Variants in AAK1 observed in about 807,000 individuals in gnomAD.
AAK1 encodes AP2-associated protein kinase 1.
In AAK1, 37 loss-of-function variants were observed where a neutral mutation model predicts 116.0. The observed-to-expected ratio is 0.32, with a 90% CI of 0.25 to 0.42. The LOEUF (loss-of-function observed/expected upper bound fraction) is 0.42, where lower values mean the gene tolerates loss of function less well. Ranked by LOEUF, AAK1 falls within the 10% of genes least tolerant of loss-of-function variation. The pLI, the probability that AAK1 is intolerant of heterozygous loss-of-function variation, is 1.00. For synonymous variants in AAK1, 458 were observed against 439.9 expected, an observed-to-expected ratio of 1.04 and a Z score of -0.51; for missense variants, 919 against 1,170.6, an observed-to-expected ratio of 0.79 and a Z score of 3.14.
At chr2:69,540,445 A>G (rs192214923) in intron 5 of AAK1, among the ~76,000 whole-genome samples, 124 of 152,294 alleles carry the variant, frequency 8.1e-4, no homozygotes, top group African/African-American at 2.9e-3. Flanking sequence ...CTACTTAGAA[A>G]AAAAGGGCTG....
chr2:69,458,529 C>T lies in AAK1; in HGVS notation c.*17340G>A, dbSNP rs1457667159. 6.6e-6 allele frequency: 1 copy of T among 152,630 alleles called. No individual in the cohort carries two copies. Among genetic ancestry groups the T allele is most frequent in the Non-Finnish European group, 1.5e-5 (1 of 68,050 alleles). The allele number at this position is 152,630 out of a possible 1,614,324, so 9.5% of individuals were successfully genotyped here. A position where few individuals can be genotyped will look rare whatever the true frequency, so the allele number is the denominator to read the frequency against. On this transcript the variant is annotated 3_prime_UTR_variant, in exon 22 of 22. Transcript: ENST00000409085. ...CTTGGGAACAAGGCTAAAGCCATGG[C>T]TGATTTCCCCAACCTTTTATCGCGA...
At chr2:69,594,945 C>A in intron 2 of AAK1, 1 of 953,180 alleles carries the variant, frequency 1.0e-6, no homozygotes, top group Admixed American at 1.7e-5. Context: ...TGTCATAACG[C>A]CACTTTCCCT....
chr2:69,591,383 A>G, intron 2 of AAK1, among the ~76,000 whole-genome samples: 1 of 152,222 alleles, frequency 6.6e-6, no homozygotes. Flanking sequence ...TATCATTCCT[A>G]CAAGCCATGG....
Position 69,540,121 on chromosome 2 carries a change from C to CTTTTTTTTTTTTTTTTTTTTT in AAK1, c.534+2401_534+2402insAAAAAAAAAAAAAAAAAAAAA, listed in dbSNP as rs538276702. Among the ~76,000 whole-genome samples, 4 of 127,818 alleles carry CTTTTTTTTTTTTTTTTTTTTT rather than the reference C, an allele frequency of 3.1e-5. 2 individuals carry two copies. The highest frequency in any genetic ancestry group is 3.3e-5 in the Non-Finnish European group (2 of 60,628). 83.9% of individuals were successfully genotyped at this position (127,818 alleles called of 152,430 possible). A position where few individuals can be genotyped will look rare whatever the true frequency, so the allele number is the denominator to read the frequency against. ...AACATGCATTCCCTGCCCCACTTGC[C>CTTTTTTTTTTTTTTTTTTTTT]TTTTTTTTTTTTTTTTTTGAGACAG... is the stretch of plus-strand genomic sequence containing the variant. On this transcript the variant is annotated intron_variant, in intron 5 of 21. Coordinates refer to ENST00000409085, the MANE Select transcript of AAK1 (RefSeq NM_014911.5).
At chr2:69,622,326 C>T (rs894137459) in intron 2 of AAK1, among the ~76,000 whole-genome samples, 1 of 152,142 alleles carries the variant, frequency 6.6e-6, no homozygotes, top group Non-Finnish European at 1.5e-5. Context: ...CTCCCCCGCC[C>T]GGCGGTGGGC....
rs73934945 is a variant in AAK1, at chr2:69,464,230, C to A, written c.*11639G>T. 12,607 of 151,864 alleles carry A rather than the reference C, an allele frequency of 0.083. 1,499 individuals are homozygous for A. The highest frequency in any genetic ancestry group is 0.25 in the African/African-American group (10,262 of 41,344). 9.4% of individuals were successfully genotyped at this position (151,864 alleles called of 1,614,324 possible). A position where few individuals can be genotyped will look rare whatever the true frequency, so the allele number is the denominator to read the frequency against. Reference sequence around the variant, plus strand: ...ACAACAACAACAACAACAACAAAACCACCCCAAAACAAGCAAGCCTAGTTT... The same window carrying A: ...ACAACAACAACAACAACAACAAAACAACCCCAAAACAAGCAAGCCTAGTTT... On this transcript the variant is annotated 3_prime_UTR_variant, in exon 22 of 22. Transcript: ENST00000409085.
chr2:69,621,290 A>G (rs1242145812), intron 2 of AAK1, among the ~76,000 whole-genome samples: 2 of 152,192 alleles, frequency 1.3e-5, no homozygotes, highest in Non-Finnish European at 2.9e-5. Flanking sequence ...AGCTTCGCCA[A>G]CATGGTGAAA....
chr2:69,490,503 A>G (rs1366426293), intron 17 of AAK1, among the ~76,000 whole-genome samples: 1 of 152,216 alleles, frequency 6.6e-6, no homozygotes, highest in African/African-American at 2.4e-5. Flanking sequence ...ATTCTGACAT[A>G]TCCTACAACA....
rs1266459730 is a variant in AAK1, at chr2:69,462,859, T to C, written c.*13010A>G. The C allele has an allele frequency of 6.6e-6, 1 of 152,146 alleles. No homozygotes were observed. The highest frequency in any genetic ancestry group is 1.5e-5 in the Non-Finnish European group (1 of 68,018). 9.4% of individuals were successfully genotyped at this position (152,146 alleles called of 1,614,324 possible). A position where few individuals can be genotyped will look rare whatever the true frequency, so the allele number is the denominator to read the frequency against. ...AGAAAGACAATTTTGCATCCACTAATACATAAAAATCAGAAAGGAGAATTG... is the reference window on the plus strand; with the variant it reads ...AGAAAGACAATTTTGCATCCACTAACACATAAAAATCAGAAAGGAGAATTG... On this transcript the variant is annotated 3_prime_UTR_variant, in exon 22 of 22. Coordinates refer to ENST00000409085, the MANE Select transcript of AAK1 (RefSeq NM_014911.5).
intron 2 of AAK1, among the ~76,000 whole-genome samples, chr2:69,576,523 G>A (rs1672322791): frequency 1.3e-5 from 2 of 151,996 alleles, no homozygotes. Context: ...ATACCCCAGT[G>A]TCTGCTGTTT....
chr2:69,606,969 G>C (rs981732660), intron 2 of AAK1, among the ~76,000 whole-genome samples: 2 of 151,522 alleles, frequency 1.3e-5, no homozygotes, highest in Non-Finnish European at 2.9e-5. Flanking sequence ...GGCAGGCTGA[G>C]GTGGGAGGAT....
chr2:69,510,771 T>C (rs538891248), intron 13 of AAK1, among the ~76,000 whole-genome samples: 3 of 152,316 alleles, frequency 2.0e-5, no homozygotes, highest in South Asian at 2.1e-4. Context: ...TAAGAAAATA[T>C]GTAGCATTAG....
rs751109638 is a variant in AAK1 at position 69,464,093 on chromosome 2, A to G, written c.*11776T>C. On this transcript the variant is annotated 3_prime_UTR_variant, in exon 22 of 22. Transcript: ENST00000409085. ...AACATCTAAAGAGGATAGAGAATGT[A>G]AAAGTTTTCATGCCTACCTGATTCA... 2.0e-4 allele frequency: 31 copies of G among 152,686 alleles called. No individual in the cohort carries two copies. Among genetic ancestry groups the G allele is most frequent in the African/African-American group, 6.8e-4 (28 of 41,470 alleles). The allele number at this position is 152,686 out of a possible 1,614,324, so 9.5% of individuals were successfully genotyped here.
At chr2:69,492,748 T>C (rs1362107109) in intron 17 of AAK1, among the ~76,000 whole-genome samples, 2 of 143,616 alleles carry the variant, frequency 1.4e-5, no homozygotes, top group Non-Finnish European at 3.1e-5. Flanking sequence ...GGTTTCGAAC[T>C]CCTGACCTCA....
chr2:69,627,112 A>AC (rs1674937940), intron 2 of AAK1, among the ~76,000 whole-genome samples: 1 of 151,176 alleles, frequency 6.6e-6, no homozygotes, highest in African/African-American at 2.4e-5. Flanking sequence ...ATATGGTGAA[A>AC]CCCCCGTCTC....
chr2:69,606,654 C>A (rs72895401), intron 2 of AAK1, among the ~76,000 whole-genome samples: 3,322 of 152,326 alleles, frequency 0.022, 111 homozygotes, highest in African/African-American at 0.074. Context: ...TACTGCATGA[C>A]AAGCACCTCT....
chr2:69,567,301 C>T (rs13396332), intron 2 of AAK1, among the ~76,000 whole-genome samples: 5 of 152,224 alleles, frequency 3.3e-5, no homozygotes, highest in African/African-American at 1.2e-4. Flanking sequence ...CTGGCCCTCA[C>T]TCCCATATGA....
chr2:69,591,516 TC>T (rs1490373286), intron 2 of AAK1, among the ~76,000 whole-genome samples: 1 of 138,250 alleles, frequency 7.2e-6, no homozygotes, highest in Non-Finnish European at 1.5e-5. Context: ...TTTCTTTTTT[TC>T]TTTTTCTTTT....
At chr2:69,584,369 T>C (rs998196835) in intron 2 of AAK1, among the ~76,000 whole-genome samples, 13 of 152,190 alleles carry the variant, frequency 8.5e-5, no homozygotes, top group African/African-American at 2.9e-4. Context: ...GTTACTTTAA[T>C]TATAATTCGC....
Sources: gnomAD v4.1 joint callset for allele counts (sites outside exome capture counted in the v4.1 genomes callset) on GRCh38, gnomAD v4.1.1 for gene constraint, MANE v1.5 for transcripts, NCBI Gene and HGNC (gene_info 2026-07-23, HGNC 2026-07-21) for gene names.